SORL1: variants seen among roughly 807,000 people sequenced by gnomAD.
SORL1 encodes sortilin related receptor 1, also known as sortilin-related receptor.
A neutral mutation model predicts 273.7 loss-of-function variants in SORL1; 127 were observed. The observed-to-expected ratio is 0.46, with a 90% confidence interval of 0.40 to 0.54. SORL1 has a LOEUF of 0.54. Ranked by LOEUF, SORL1 falls within the 20% of genes least tolerant of loss-of-function variation. The pLI, the probability that SORL1 is intolerant of heterozygous loss-of-function variation, is 0.00. For synonymous variants in SORL1, 1,031 were observed against 1,067.4 expected, an observed-to-expected ratio of 0.97 and a Z score of 0.66; for missense variants, 2,494 against 2,846.1, an observed-to-expected ratio of 0.88 and a Z score of 2.81.
chr11:121,604,195 A>G lies in SORL1; in HGVS notation c.4522A>G (p.Thr1508Ala). ...TAAGAAGCCTCTCTGTGTTTCAGCC[A>G]CACACAGCACCTTGACTTGCATGAG... ...QDGRDEANCP[T>A]HSTLTCMSRE... Residue 1508 changes from threonine (T) to alanine (A), a missense_variant and splice_region_variant, in exon 33 of 48, where the codon ACA (threonine) becomes GCA (alanine). Thr to Ala is a moderately conservative substitution (Grantham distance 58). Around this residue, in one of 3 missense-constraint regions of SORL1, gnomAD observed 1,609 missense variants for 1,816.4 expected, o/e 0.89. Transcript: ENST00000260197. The G allele has an allele frequency of 6.2e-7, 1 of 1,614,080 alleles. No individual in the cohort carries two copies. The highest frequency in any genetic ancestry group is 8.5e-7 in the Non-Finnish European group (1 of 1,180,014).
At chr11:121,615,529 G>A (rs1182874132) in intron 41 of SORL1, among the ~76,000 whole-genome samples, 3 of 152,064 alleles carry the variant, frequency 2.0e-5, no homozygotes, top group African/African-American at 7.2e-5. Flanking sequence ...ATTTTTGTCT[G>A]TTACTCTTAC....
At position 121,502,124 on chromosome 11, in the gene SORL1, CTTTTTTTTTTTTTT is replaced by C. The variant is rs57842880; in HGVS notation, c.939+5091_939+5104del. Among the ~76,000 whole-genome samples, 12 of 65,188 alleles carry C rather than the reference CTTTTTTTTTTTTTT, an allele frequency of 1.8e-4. No individual in the cohort carries two copies. In the South Asian group the frequency reaches 2.1e-3, roughly 12 times the overall value. The allele number at this position is 65,188 out of a possible 152,430, so 42.8% of individuals were successfully genotyped here. On this transcript the variant is annotated intron_variant, in intron 6 of 47. Transcript: ENST00000260197. ...GTAACTACTGGGTCATGTGACAATT[CTTTTTTTTTTTTTT>C]TTTTTTTTTTTTTTTGAGATGGAGT...
intron 21 of SORL1, among the ~76,000 whole-genome samples, chr11:121,565,122 T>C (rs1365993538): frequency 1.3e-5 from 2 of 152,234 alleles, no homozygotes; most frequent in African/African-American, 2.4e-5. Context: ...ACTTCTGCTC[T>C]AGTCAGCTGG....
chr11:121,608,600 G>T, intron 38 of SORL1: 1 of 188,492 alleles, frequency 5.3e-6, no homozygotes, highest in Non-Finnish European at 1.1e-5. Context: ...GTGTGTAGGT[G>T]GTTTTTTATC....
intron 21 of SORL1, among the ~76,000 whole-genome samples, chr11:121,566,015 C>T (rs1193831533): frequency 6.6e-6 from 1 of 152,168 alleles, no homozygotes; most frequent in African/African-American, 2.4e-5. Context: ...GGCACTCTGG[C>T]ACAAAGGAAT....
At chr11:121,548,159 A>G (rs1242968539) in intron 14 of SORL1, among the ~76,000 whole-genome samples, 1 of 152,222 alleles carries the variant, frequency 6.6e-6, no homozygotes, top group Non-Finnish European at 1.5e-5. Context: ...AAGTTTTAGG[A>G]GACAACATTG....
chr11:121,568,966 G>A (rs184292023), intron 22 of SORL1, among the ~76,000 whole-genome samples: 35 of 152,278 alleles, frequency 2.3e-4, no homozygotes, highest in African/African-American at 4.3e-4. Flanking sequence ...TGGGAAGTCC[G>A]GGACCCCGAA....
chr11:121,611,271 C>A, intron 39 of SORL1, 113 bp downstream of exon 39: 2 of 723,160 alleles, frequency 2.8e-6, no homozygotes, highest in South Asian at 1.8e-5. Flanking sequence ...ACAAAAAAAA[C>A]GAACGGCTAG....
intron 46 of SORL1, chr11:121,626,127 A>G (rs1282180470): frequency 6.6e-6 from 1 of 152,262 alleles, no homozygotes; most frequent in Non-Finnish European, 1.5e-5. Flanking sequence ...TTGTTGACCT[A>G]GTATTTCCTC....
In SORL1 at chr11:121,619,852, C is replaced by T. The variant is rs374448665; in HGVS notation, c.5824C>T (p.His1942Tyr). 4 of 1,614,024 alleles carry T rather than the reference C, an allele frequency of 2.5e-6. No homozygotes were observed. The highest frequency in any genetic ancestry group is 1.3e-5 in the African/African-American group (1 of 75,020). Residue 1942 changes from histidine to tyrosine, a missense_variant, in exon 43 of 48, where the codon CAT becomes TAT. By Grantham distance (83) the His-to-Tyr change is moderately conservative (BLOSUM62 2). Around this residue, in one of 3 missense-constraint regions of SORL1, gnomAD observed 1,609 missense variants for 1,816.4 expected, o/e 0.89. Transcript: ENST00000260197. Reference protein sequence around the residue: ...RLPPRHLHVVHTGKTSVVIKW... With the variant: ...RLPPRHLHVVYTGKTSVVIKW... ...TCCACCCCGTCACCTGCATGTGGTT[C>T]ATACGGGCAAAACCTCCGTGGTCAT...
At chr11:121,460,801 C>T (rs1860986721) in intron 1 of SORL1, among the ~76,000 whole-genome samples, 1 of 152,110 alleles carries the variant, frequency 6.6e-6, no homozygotes, top group South Asian at 2.1e-4. Flanking sequence ...GAAAGGCTAG[C>T]TTGGGGACTG....
In SORL1 at chr11:121,452,336, C is replaced by A. The variant is rs1241508891; in HGVS notation, c.5C>A (p.Ala2Glu). ...TGCAGTAGCGTTCGCCCGAACATGGCGACACGGAGCAGCAGGAGGGAGTCG... is the reference window on the plus strand; with the variant it reads ...TGCAGTAGCGTTCGCCCGAACATGGAGACACGGAGCAGCAGGAGGGAGTCG... M[A>E]TRSSRRESRL... The change falls in exon 1 of 48, where the codon GCG (alanine) becomes GAG (glutamate). Residue 2 changes from alanine (A) to glutamate (E), a missense_variant. Around this residue, in one of 3 missense-constraint regions of SORL1, gnomAD observed 175 missense variants for 147.1 expected, o/e 1.19. Coordinates refer to ENST00000260197, the MANE Select transcript of SORL1 (RefSeq NM_003105.6). This position sits in a 1 kb window ranked among gnomAD's most constrained non-coding sequence, Gnocchi z 5.3. 5.2e-6 allele frequency: 8 copies of A among 1,541,712 alleles called. No homozygotes were observed. The highest frequency in any genetic ancestry group is 7.0e-6 in the Non-Finnish European group (8 of 1,148,794).
rs367836168 is a variant in SORL1, at chr11:121,574,218, G to A, written c.3338-23G>A. ...GAAATCAATTGTACCTAAGGAATAT[G>A]TTGTCTTTCTATCCCATTTTAGCTA... is the stretch of plus-strand genomic sequence containing the variant. On this transcript the variant is annotated intron_variant, in intron 23 of 47. Coordinates refer to ENST00000260197, the MANE Select transcript of SORL1 (RefSeq NM_003105.6). 53 of 1,612,234 alleles carry A rather than the reference G, an allele frequency of 3.3e-5. No individual in the cohort carries two copies. The African/African-American group carries it at 3.5e-4, about 11-fold the overall frequency.
Position 121,563,954 on chromosome 11 carries a change from C to A in SORL1, c.3050-2986C>A, listed in dbSNP as rs1287423397. On this transcript the variant is annotated intron_variant, in intron 21 of 47. Coordinates refer to ENST00000260197, the MANE Select transcript of SORL1 (RefSeq NM_003105.6). The surrounding 1 kb of genome is among the most constrained non-coding windows in gnomAD (Gnocchi z 4.2). ...TTGATAATTGCCAAGTGTATAGATACTTGAGATGATGACATTTTTGGCTCC... is the reference window on the plus strand; with the variant it reads ...TTGATAATTGCCAAGTGTATAGATAATTGAGATGATGACATTTTTGGCTCC... Among the ~76,000 whole-genome samples the A allele has an allele frequency of 2.0e-5, 3 of 152,130 alleles. No individual in the cohort carries two copies. Among genetic ancestry groups the A allele is most frequent in the Non-Finnish European group, 4.4e-5 (3 of 68,032 alleles).
Position 121,514,324 on chromosome 11 carries a change from A to G in SORL1, c.1211+3A>G, listed in dbSNP as rs1351892811. On this transcript the variant is annotated splice_donor_region_variant and intron_variant, in intron 8 of 47. Coordinates refer to ENST00000260197, the MANE Select transcript of SORL1 (RefSeq NM_003105.6). ...GCCGGCAGTGACACCTTGGTGAGGT[A>G]AGGAGACTGTGAGTCCTTCTCCTGC... 1 of 1,611,572 alleles carries G rather than the reference A, an allele frequency of 6.2e-7. No individual in the cohort carries two copies. The highest frequency in any genetic ancestry group is 1.1e-5 in the South Asian group (1 of 90,748).
intron 1 of SORL1, among the ~76,000 whole-genome samples, chr11:121,458,073 T>A (rs1323282723): frequency 2.6e-5 from 4 of 152,302 alleles, no homozygotes; most frequent in African/African-American, 9.6e-5. Flanking sequence ...CCCACTGTAA[T>A]GGAGGGACAC....
chr11:121,480,929 C>T, intron 3 of SORL1, among the ~76,000 whole-genome samples: 1 of 131,994 alleles, frequency 7.6e-6, no homozygotes, highest in South Asian at 2.6e-4. Context: ...TCTCCTCCTC[C>T]CCAGCTCCTC....
chr11:121,586,494 CAG>C (rs1028382488), intron 27 of SORL1, among the ~76,000 whole-genome samples, 165 bp downstream of exon 27: 1 of 151,940 alleles, frequency 6.6e-6, no homozygotes, highest in Admixed American at 6.5e-5. Flanking sequence ...CTGATCGTGG[CAG>C]AGAGACAGGG....
intron 6 of SORL1, among the ~76,000 whole-genome samples, chr11:121,506,391 TCA>T (rs1861787175): frequency 6.6e-6 from 1 of 152,174 alleles, no homozygotes; most frequent in Non-Finnish European, 1.5e-5. Context: ...CTGGGAAGCC[TCA>T]CAATCATGGT....
Sources: allele counts gnomAD v4.1 joint callset (sites outside exome capture counted in the v4.1 genomes callset), GRCh38; gene constraint gnomAD v4.1.1; regional missense constraint gnomAD v4.1.1; non-coding constraint Gnocchi (gnomAD v3.1); transcripts MANE v1.5; gene names NCBI Gene and HGNC (gene_info 2026-07-23, HGNC 2026-07-21).